The following MALRD1 variants were observed in gnomAD, a reference collection of about 807,000 sequenced individuals.
The protein encoded by MALRD1 is MAM and LDL receptor class A domain containing 1.
A neutral mutation model predicts 242.1 loss-of-function variants in MALRD1; 247 were observed. The ratio of observed to expected loss-of-function variants is 1.02; its 90% CI spans 0.92 to 1.13. MALRD1 has a LOEUF of 1.13. Among genes scored for constraint, MALRD1 ranks in the 50% most tolerant of loss-of-function variants. The pLI, the probability that MALRD1 is intolerant of heterozygous loss-of-function variation, is 0.00. For missense variants in MALRD1, 2,989 were observed against 2,533.1 expected (o/e 1.18, Z -3.86); for synonymous variants, 995 against 866.6 (o/e 1.15, Z -2.60).
intron 38 of MALRD1, among the ~76,000 whole-genome samples, chr10:19,706,173 G>T (rs1833856459): frequency 6.6e-6 from 1 of 152,180 alleles, no homozygotes; most frequent in Admixed American, 6.5e-5. Flanking sequence ...AAAAGAAAAT[G>T]CAGAAACTTG....
chr10:19,098,822 G>C (rs933754732), intron 4 of MALRD1, among the ~76,000 whole-genome samples: 5 of 152,066 alleles, frequency 3.3e-5, no homozygotes, highest in African/African-American at 9.7e-5. Context: ...GCAGAGAGAG[G>C]GGTCCTGAAT....
At chr10:19,279,919 C>T in intron 19 of MALRD1, 128 bp from the exon 20 acceptor site, 2 of 621,930 alleles carry the variant, frequency 3.2e-6, no homozygotes, top group Non-Finnish European at 4.9e-6. Flanking sequence ...AGCAGAGTAG[C>T]TGATACTACC....
chr10:19,280,116 G>T lies in MALRD1; in HGVS notation c.3149G>T (p.Cys1050Phe). 6.5e-7 allele frequency: 1 copy of T among 1,544,744 alleles called. No individual in the cohort carries two copies. The highest frequency in any genetic ancestry group is 8.7e-7 in the Non-Finnish European group (1 of 1,144,878). Residue 1050 changes from cysteine to phenylalanine, a missense_variant, in exon 20 of 40, where the codon TGC becomes TTC. Cys to Phe is a radical substitution (Grantham distance 205, BLOSUM62 -2). Transcript: ENST00000454679. ...SVPVTLPPHN[C>F]TDNEFICRSD... is the part of the protein sequence containing the mutation. Reference sequence around the variant, plus strand: ...CCTGTAACATTACCTCCACACAACTGCACAGACAATGAATTTATCTGCAGG... The same window carrying T: ...CCTGTAACATTACCTCCACACAACTTCACAGACAATGAATTTATCTGCAGG...
At chr10:19,138,299 T>G (rs1833422876) in intron 10 of MALRD1, among the ~76,000 whole-genome samples, 1 of 152,226 alleles carries the variant, frequency 6.6e-6, no homozygotes. Context: ...CTATGTTTTA[T>G]TTAAATTTTT....
intron 28 of MALRD1, among the ~76,000 whole-genome samples, chr10:19,419,823 T>G (rs1041825087): frequency 6.6e-6 from 1 of 152,116 alleles, no homozygotes; most frequent in South Asian, 2.1e-4. Flanking sequence ...TTCTTATTCG[T>G]AAAGCTTAGA....
chr10:19,429,565 A>G (rs1045648413), intron 28 of MALRD1, among the ~76,000 whole-genome samples: 6 of 152,078 alleles, frequency 3.9e-5, no homozygotes, highest in Non-Finnish European at 8.8e-5. Flanking sequence ...TTCCATCTCA[A>G]AATAAAACAA....
rs149175180 is a variant in MALRD1, at chr10:19,187,391, T to C, written c.1951+12063T>C. ...GTCATAGTACATCTCAGTTACAAGGTGGTATTGTAACAAAGACTTGAGAAG... is the reference window on the plus strand; with the variant it reads ...GTCATAGTACATCTCAGTTACAAGGCGGTATTGTAACAAAGACTTGAGAAG... On this transcript the variant is annotated intron_variant, in intron 14 of 39. Coordinates refer to ENST00000454679, the MANE Select transcript of MALRD1 (RefSeq NM_001142308.3). 1.9e-4 allele frequency among the ~76,000 whole-genome samples: 29 copies of C among 152,000 alleles called. No homozygotes were observed. In the East Asian group the frequency reaches 5.6e-3, roughly 30 times the overall value.
chr10:19,370,199 C>T (rs1845315140), intron 26 of MALRD1, among the ~76,000 whole-genome samples: 1 of 152,060 alleles, frequency 6.6e-6, no homozygotes, highest in African/African-American at 2.4e-5. Context: ...TGTTCTCTTT[C>T]ATCAATCTGT....
At chr10:19,225,996 A>G (rs998985882) in intron 18 of MALRD1, among the ~76,000 whole-genome samples, 1 of 152,182 alleles carries the variant, frequency 6.6e-6, no homozygotes, top group Non-Finnish European at 1.5e-5. Context: ...TACTGATGAC[A>G]GAAGTAGATG....
At chr10:19,324,608 T>A (rs1220357538) in intron 22 of MALRD1, among the ~76,000 whole-genome samples, 4 of 150,358 alleles carry the variant, frequency 2.7e-5, no homozygotes, top group African/African-American at 7.4e-5. Context: ...TATTTTTTTT[T>A]TAAAAAAAAA....
chr10:19,453,737 G>A (rs529054760), intron 29 of MALRD1, among the ~76,000 whole-genome samples: 42 of 152,088 alleles, frequency 2.8e-4, no homozygotes, highest in African/African-American at 9.2e-4. Context: ...TTAGCTGGGC[G>A]TTGTGGCACA....
intron 17 of MALRD1, 77 bp from the exon 18 acceptor site, chr10:19,209,191 A>C: frequency 7.8e-7 from 1 of 1,277,092 alleles, no homozygotes; most frequent in Non-Finnish European, 1.0e-6. Flanking sequence ...GCATTCTTTA[A>C]ATATTAATAA....
chr10:19,511,119 C>A (rs1402325254), intron 31 of MALRD1, among the ~76,000 whole-genome samples: 1 of 152,102 alleles, frequency 6.6e-6, no homozygotes, highest in Non-Finnish European at 1.5e-5. Flanking sequence ...ATATTTATGC[C>A]AAGCCAGGAA....
intron 26 of MALRD1, among the ~76,000 whole-genome samples, chr10:19,365,015 A>G (rs576631196): frequency 1.3e-5 from 2 of 152,156 alleles, no homozygotes; most frequent in African/African-American, 4.8e-5. Context: ...TCACAGATAC[A>G]TGAATAGATT....
At chr10:19,588,792 A>G (rs1372754431) in intron 33 of MALRD1, among the ~76,000 whole-genome samples, 1 of 152,078 alleles carries the variant, frequency 6.6e-6, no homozygotes, top group Non-Finnish European at 1.5e-5. Flanking sequence ...ACAGCCACCC[A>G]CTACCATGCC....
At chr10:19,538,630 A>G (rs1467121506) in intron 32 of MALRD1, among the ~76,000 whole-genome samples, 1 of 152,188 alleles carries the variant, frequency 6.6e-6, no homozygotes, top group Non-Finnish European at 1.5e-5. Context: ...TTGGTCTACA[A>G]ATAGCAGTTA....
rs569523612 is a variant in MALRD1, at chr10:19,086,932, C to G, written c.341-908C>G. On this transcript the variant is annotated intron_variant, in intron 2 of 39. Coordinates refer to ENST00000454679, the MANE Select transcript of MALRD1 (RefSeq NM_001142308.3). ...CTTTCTGCAGCTGCAGGCATACCCC[C>G]CAAGTCTGCTTTTAGCTTCCCTATG... Among the ~76,000 whole-genome samples the G allele has an allele frequency of 4.6e-5, 7 of 152,140 alleles. No individual in the cohort carries two copies. The East Asian group carries it at 9.7e-4, about 21-fold the overall frequency.
chr10:19,287,086 G>T (rs535980430), intron 21 of MALRD1, among the ~76,000 whole-genome samples: 1 of 152,162 alleles, frequency 6.6e-6, no homozygotes, highest in South Asian at 2.1e-4. Flanking sequence ...TGTACCACAT[G>T]TAACAAATTT....
intron 18 of MALRD1, among the ~76,000 whole-genome samples, chr10:19,237,962 T>A (rs1838457636): frequency 8.1e-6 from 1 of 122,950 alleles, no homozygotes; most frequent in Admixed American, 9.6e-5. Context: ...TATATGTAAT[T>A]TTATACAGTT....
Sources: gnomAD v4.1 joint callset for allele counts (sites outside exome capture counted in the v4.1 genomes callset) on GRCh38, gnomAD v4.1.1 for gene constraint, MANE v1.5 for transcripts, NCBI Gene and HGNC (gene_info 2026-07-23, HGNC 2026-07-21) for gene names.